MEAK7: variants seen among roughly 807,000 people sequenced by gnomAD.
MEAK7 encodes MTOR associated protein MEAK7, also known as MTOR-associated protein MEAK7.
In MEAK7, 68 loss-of-function variants were observed where a neutral mutation model predicts 40.5. That is an observed-to-expected ratio of 1.68 (90% CI 1.38 to 2.06). The LOEUF is 2.06. MEAK7 is among the 30% of genes most tolerant of loss of function. The probability of loss-of-function intolerance (pLI) is 0.00; values close to 1 mark genes in which losing one functional copy is unlikely to be tolerated. For missense variants in MEAK7, 918 were observed against 580.5 expected, an observed-to-expected ratio of 1.58 and a Z score of -5.98; for synonymous variants, 338 against 231.9, an observed-to-expected ratio of 1.46 and a Z score of -4.16.
chr16:84,479,791 A>T lies in MEAK7; in HGVS notation c.*122T>A, dbSNP rs1044871. 291,243 of 575,224 alleles carry T rather than the reference A, an allele frequency of 0.51. 76,426 individuals are homozygous for T. The highest frequency in any genetic ancestry group is 0.57 in the African/African-American group (29,471 of 51,962). 35.6% of individuals were successfully genotyped at this position (575,224 alleles called of 1,614,324 possible). ...TCTTCTTGGCACATGTGGGACTACC[A>T]GGCTGTGACCCGTGCGGTACGCTAT... On this transcript the variant is annotated 3_prime_UTR_variant, in exon 8 of 8. Transcript: ENST00000343629.
chr16:84,484,620 C>G (rs1912872498), intron 5 of MEAK7, among the ~76,000 whole-genome samples: 1 of 152,196 alleles, frequency 6.6e-6, no homozygotes, highest in African/African-American at 2.4e-5. Flanking sequence ...GCCACATTAC[C>G]CCGCAGGGAA....
Position 84,480,015 on chromosome 16 carries a change from G to A in MEAK7, c.1269C>T (p.Asn423=), listed in dbSNP as rs756195234. The change falls in exon 8 of 8, where the codon AAC becomes AAT. Residue 423 remains asparagine (N), a synonymous_variant. Coordinates refer to ENST00000343629, the MANE Select transcript of MEAK7 (RefSeq NM_020947.4). The part of the protein sequence containing the change: ...DPSEEQLAKG[N]KSILDADPEA... Reference sequence around the variant, plus strand: ...CAGGGTCCGCATCCAGGATGCTCTTGTTGCCCTTGGCCTTGAGAAGAGAAG... The same window carrying A: ...CAGGGTCCGCATCCAGGATGCTCTTATTGCCCTTGGCCTTGAGAAGAGAAG... The A allele has an allele frequency of 1.2e-6, 2 of 1,601,572 alleles. No homozygotes were observed. The highest frequency in any genetic ancestry group is 2.3e-5 in the East Asian group (1 of 44,246).
At position 84,486,912 on chromosome 16, in the gene MEAK7, T is replaced by C; in HGVS notation, c.677A>G (p.Asp226Gly). 1 of 1,614,068 alleles carries C rather than the reference T, an allele frequency of 6.2e-7. No homozygotes were observed. The highest frequency in any genetic ancestry group is 1.7e-5 in the Admixed American group (1 of 60,028). ...KGFLILCSSL[D>G]LTTLVPERQV... ...ACGCTCAGGGACCAGGGTAGTCAGA[T>C]CAAGAGACGAGCACAGGATGAGAAA... Residue 226 changes from aspartate to glycine, a missense_variant, in exon 5 of 8, where the codon GAT (aspartate) becomes GGT (glycine). By Grantham distance (94) the Asp-to-Gly change is moderately conservative (BLOSUM62 -1). Transcript: ENST00000343629.
At chr16:84,486,589 C>T (rs201655543) in intron 5 of MEAK7, 42 bp downstream of exon 5, 801 of 1,539,746 alleles carry the variant, frequency 5.2e-4, no homozygotes, top group Non-Finnish European at 6.1e-4. Context: ...GCTCTTTGCC[C>T]GTGCTGTGCC....
rs199701700 is a variant in MEAK7 at position 84,477,741 on chromosome 16, G to C, written c.*2172C>G. 5 of 152,220 alleles carry C rather than the reference G, an allele frequency of 3.3e-5. No individual in the cohort carries two copies. The East Asian group carries it at 7.7e-4, about 24-fold the overall frequency. The allele number at this position is 152,220 out of a possible 1,614,324, so 9.4% of individuals were successfully genotyped here. On this transcript the variant is annotated 3_prime_UTR_variant, in exon 8 of 8. Transcript: ENST00000343629. ...TAGGATTGCGAGTTTCTCAGAGCCA[G>C]GTAAGGTACTGTCAGGTCCACTGGC...
chr16:84,491,618 C>T (rs1255336668), intron 3 of MEAK7, among the ~76,000 whole-genome samples: 1 of 149,846 alleles, frequency 6.7e-6, no homozygotes, highest in East Asian at 2.0e-4. Flanking sequence ...GCAGGTGGAT[C>T]ACGAGGTCAG....
chr16:84,491,770 G>A (rs1457683201), intron 3 of MEAK7, among the ~76,000 whole-genome samples: 11 of 151,168 alleles, frequency 7.3e-5, no homozygotes, highest in African/African-American at 9.7e-5. Context: ...CCCAGGAGGC[G>A]GAGCTTGCAG....
intron 3 of MEAK7, chr16:84,494,935 C>T: frequency 2.4e-6 from 1 of 411,738 alleles, no homozygotes; most frequent in South Asian, 1.8e-5. Flanking sequence ...ACTGCCTTTC[C>T]CTTTGTTCCT....
Position 84,477,008 on chromosome 16 carries a change from C to G in MEAK7, c.*2905G>C, listed in dbSNP as rs905587353. On this transcript the variant is annotated 3_prime_UTR_variant, in exon 8 of 8. Transcript: ENST00000343629. ...CCAGGCCTAAATGATCCTCACACCT[C>G]AGCCTCCCAAGTAGCTAGGACCACA... The G allele has an allele frequency of 2.0e-5, 3 of 152,250 alleles. No individual in the cohort carries two copies. The highest frequency in any genetic ancestry group is 6.5e-5 in the Admixed American group (1 of 15,278). The allele number at this position is 152,250 out of a possible 1,614,324, so 9.4% of individuals were successfully genotyped here. A position where few individuals can be genotyped will look rare whatever the true frequency, so the allele number is the denominator to read the frequency against.
chr16:84,504,366 G>T (rs1000890209), intron 1 of MEAK7, among the ~76,000 whole-genome samples: 2 of 152,164 alleles, frequency 1.3e-5, no homozygotes, highest in African/African-American at 4.8e-5. Context: ...GGAGGTGCAG[G>T]ATGATTCTGA....
At chr16:84,484,057 C>T (rs1469709713) in intron 5 of MEAK7, among the ~76,000 whole-genome samples, 1 of 152,202 alleles carries the variant, frequency 6.6e-6, no homozygotes, top group African/African-American at 2.4e-5. Context: ...CCCCGCTCTC[C>T]CCGACTGGAC....
intron 2 of MEAK7, chr16:84,497,407 TCAAA>T (rs2150645248): frequency 7.8e-7 from 1 of 1,277,810 alleles, no homozygotes; most frequent in East Asian, 5.6e-5. Context: ...TTCCTAGCCA[TCAAA>T]CACATACACA....
chr16:84,497,262 T>C, intron 2 of MEAK7: 1 of 465,616 alleles, frequency 2.1e-6, no homozygotes, highest in Non-Finnish European at 3.5e-6. Context: ...GTGTCTTGCC[T>C]CAGTCCGAGC....
chr16:84,481,120 C>T (rs901020642), intron 6 of MEAK7, among the ~76,000 whole-genome samples: 7 of 152,220 alleles, frequency 4.6e-5, no homozygotes, highest in Non-Finnish European at 8.8e-5. Context: ...CCCAGTGCCC[C>T]GCTTCCGGGC....
intron 1 of MEAK7, among the ~76,000 whole-genome samples, chr16:84,498,538 G>C (rs1914245975): frequency 6.6e-6 from 1 of 151,896 alleles, no homozygotes; most frequent in South Asian, 2.1e-4. Flanking sequence ...GCCTCCCAAA[G>C]TGTTGGGATT....
At chr16:84,494,142 A>G (rs1913851496) in intron 3 of MEAK7, among the ~76,000 whole-genome samples, 1 of 152,244 alleles carries the variant, frequency 6.6e-6, no homozygotes, top group African/African-American at 2.4e-5. Context: ...CAGTGTCTAT[A>G]TGGCAAATTA....
In MEAK7 at chr16:84,478,523, A is replaced by C. The variant is rs1912231690; in HGVS notation, c.*1390T>G. ...TTTCATCAGATCTGCAAAAGGTCAA[A>C]GCTTACAGCAAAAGACAAAAGGAAG... is the stretch of plus-strand genomic sequence containing the variant. On this transcript the variant is annotated 3_prime_UTR_variant, in exon 8 of 8. Coordinates refer to ENST00000343629, the MANE Select transcript of MEAK7 (RefSeq NM_020947.4). 1 of 152,268 alleles carries C rather than the reference A, an allele frequency of 6.6e-6. No homozygotes were observed. Among genetic ancestry groups the C allele is most frequent in the Non-Finnish European group, 1.5e-5 (1 of 68,048 alleles). The allele number at this position is 152,268 out of a possible 1,614,324, so 9.4% of individuals were successfully genotyped here.
At chr16:84,500,564 G>T (rs1235486219) in intron 1 of MEAK7, among the ~76,000 whole-genome samples, 1 of 152,186 alleles carries the variant, frequency 6.6e-6, no homozygotes, top group Non-Finnish European at 1.5e-5. Context: ...TCCTTGGAAG[G>T]GGATGGGGGT....
In MEAK7 at chr16:84,495,895, G is replaced by C; in HGVS notation, c.172C>G (p.Leu58Val). ...KALQNHVGEA[L>V]PPEMVTRLYD... Reference sequence around the variant, plus strand: ...AGCCTGGTGACCATCTCTGGGGGAAGAGCTTCCCCGACGTGGTTCTGCCGG... The same window carrying C: ...AGCCTGGTGACCATCTCTGGGGGAACAGCTTCCCCGACGTGGTTCTGCCGG... Residue 58 changes from leucine to valine, a missense_variant, in exon 3 of 8, where the codon CTT becomes GTT. By Grantham distance (32) the Leu-to-Val change is conservative. Transcript: ENST00000343629. 1.9e-6 allele frequency: 3 copies of C among 1,614,054 alleles called. No individual in the cohort carries two copies. The highest frequency in any genetic ancestry group is 2.5e-6 in the Non-Finnish European group (3 of 1,180,030).
Sources: allele counts gnomAD v4.1 joint callset (sites outside exome capture counted in the v4.1 genomes callset), GRCh38; gene constraint gnomAD v4.1.1; transcripts MANE v1.5; gene names NCBI Gene and HGNC (gene_info 2026-07-23, HGNC 2026-07-21).